Variants in NARF observed in about 807,000 individuals in gnomAD.
NARF encodes iron-only hydrogenase-like protein 2.
Under a neutral mutation model 48.0 loss-of-function variants are expected in NARF, and 41 were observed. The ratio of observed to expected loss-of-function variants is 0.85; its 90% CI spans 0.66 to 1.11. The LOEUF (loss-of-function observed/expected upper bound fraction) is 1.11. NARF is among the 50% of genes least tolerant of loss of function. The pLI is 0.00. For synonymous variants in NARF, 215 were observed against 225.5 expected, an observed-to-expected ratio of 0.95 and a Z score of 0.42; for missense variants, 613 against 590.2, an observed-to-expected ratio of 1.04 and a Z score of -0.40.
chr17:82,465,100 A>G (rs1016193073), intron 3 of NARF, among the ~76,000 whole-genome samples: 8 of 152,188 alleles, frequency 5.3e-5, no homozygotes, highest in African/African-American at 1.9e-4. Context: ...GTGAAGGGGA[A>G]GCAAGCATGT....
rs2044036360 is a variant in NARF, at chr17:82,484,039, A to C, written c.833+260A>C. 3 of 460,798 alleles carry C rather than the reference A, an allele frequency of 6.5e-6. No homozygotes were observed. The Admixed American group carries it at 1.2e-4, about 18-fold the overall frequency. The allele number at this position is 460,798 out of a possible 1,614,324, so 28.5% of individuals were successfully genotyped here. ...CCACCCTAAACCCTTGAGGAAGGAC[A>C]AAATGCACAAACAGCTTTGTCCTCG... On this transcript the variant is annotated intron_variant, in intron 8 of 10. Coordinates refer to ENST00000309794, the MANE Select transcript of NARF (RefSeq NM_012336.4).
At chr17:82,485,212 G>A (rs925891425) in intron 9 of NARF, among the ~76,000 whole-genome samples, 1 of 152,174 alleles carries the variant, frequency 6.6e-6, no homozygotes, top group African/African-American at 2.4e-5. Context: ...ATGAGGTCAG[G>A]AGATCGAGAC....
intron 3 of NARF, among the ~76,000 whole-genome samples, chr17:82,465,116 C>T (rs982857329): frequency 6.6e-6 from 1 of 152,106 alleles, no homozygotes; most frequent in East Asian, 1.9e-4. Context: ...CATGTCTTCA[C>T]GTGGCAGCAG....
chr17:82,487,013 G>A (rs577249938), intron 10 of NARF, among the ~76,000 whole-genome samples: 117 of 152,294 alleles, frequency 7.7e-4, no homozygotes, highest in African/African-American at 2.7e-3. Context: ...TAACACGTGT[G>A]GTGCAGGCAG....
intron 5 of NARF, among the ~76,000 whole-genome samples, chr17:82,475,141 C>G (rs2143899750): frequency 6.6e-6 from 1 of 152,240 alleles, no homozygotes; most frequent in African/African-American, 2.4e-5. Flanking sequence ...TCTGTGGTCC[C>G]CTTGCAGGAG....
intron 3 of NARF, 85 bp downstream of exon 3, chr17:82,464,515 C>T: frequency 6.8e-7 from 1 of 1,465,798 alleles, no homozygotes; most frequent in African/African-American, 1.4e-5. Context: ...ACAGAAGCCT[C>T]TGCTGGGACA....
At chr17:82,482,980 A>G (rs2044007838) in intron 7 of NARF, among the ~76,000 whole-genome samples, 3 of 150,994 alleles carry the variant, frequency 2.0e-5, no homozygotes, top group African/African-American at 2.4e-5. Context: ...TTTTTAGTAG[A>G]GAGGGGGTTT....
At chr17:82,481,934 G>C (rs774067577) in intron 7 of NARF, 2 of 323,290 alleles carry the variant, frequency 6.2e-6, no homozygotes, top group Non-Finnish European at 1.2e-5. Flanking sequence ...AATGAAAAAG[G>C]CACGTTTGCT....
chr17:82,482,581 T>G (rs2143947768), intron 7 of NARF: 1 of 153,346 alleles, frequency 6.5e-6, no homozygotes, highest in Non-Finnish European at 1.5e-5. Context: ...AGTTTTTCTA[T>G]TAAGGGTTTT....
chr17:82,482,088 G>A (rs1424430825), intron 7 of NARF: 1 of 296,884 alleles, frequency 3.4e-6, no homozygotes, highest in Non-Finnish European at 6.6e-6. Context: ...TCAGTTGGTG[G>A]GGGAAGCTTA....
At chr17:82,481,240 C>T (rs371733392) in intron 7 of NARF, 29 bp downstream of exon 7, 51 of 1,611,566 alleles carry the variant, frequency 3.2e-5, no homozygotes, top group African/African-American at 1.9e-4. Flanking sequence ...TGCACCTGGG[C>T]GCTGGGGTAA....
intron 3 of NARF, among the ~76,000 whole-genome samples, chr17:82,465,716 C>T (rs1032157238): frequency 2.6e-5 from 4 of 152,162 alleles, no homozygotes; most frequent in Non-Finnish European, 5.9e-5. Flanking sequence ...CAGACGCGTG[C>T]TACCACACCT....
At chr17:82,458,886 G>A (rs2043355205) in intron 1 of NARF, 56 bp downstream of exon 1, 3 of 1,317,180 alleles carry the variant, frequency 2.3e-6, no homozygotes, top group East Asian at 2.9e-5. Context: ...TGGGGCTCTG[G>A]GCGGCCGAGG....
Position 82,466,280 on chromosome 17 carries a change from G to T in NARF, c.252+1850G>T, listed in dbSNP as rs150319614. Among the ~76,000 whole-genome samples, 55 of 152,128 alleles carry T rather than the reference G, an allele frequency of 3.6e-4. No individual in the cohort carries two copies. The East Asian group carries it at 9.5e-3, about 26-fold the overall frequency. ...CTGGTCACATTCAATATCAAATTCAGTTTTTTCCCCCCTGATACATAGAGA... is the reference window on the plus strand; with the variant it reads ...CTGGTCACATTCAATATCAAATTCATTTTTTTCCCCCCTGATACATAGAGA... On this transcript the variant is annotated intron_variant, in intron 3 of 10. Coordinates refer to ENST00000309794, the MANE Select transcript of NARF (RefSeq NM_012336.4).
Position 82,487,926 on chromosome 17 carries a change from T to C in NARF, c.1140T>C (p.Asn380=), listed in dbSNP as rs1354941880. The change falls in exon 11 of 11, where the codon AAT becomes AAC. Residue 380 remains asparagine, a synonymous_variant. Transcript: ENST00000309794. ...EVLACAGGCL[N]GRGQAQTPDG... Reference sequence around the variant, plus strand: ...GTGTTTATCTTTCAGGATGCTTAAATGGCAGAGGCCAAGCCCAGACTCCAG... The same window carrying C: ...GTGTTTATCTTTCAGGATGCTTAAACGGCAGAGGCCAAGCCCAGACTCCAG... 2 of 1,614,198 alleles carry C rather than the reference T, an allele frequency of 1.2e-6. No homozygotes were observed. The highest frequency in any genetic ancestry group is 1.6e-4 in the Middle Eastern group (1 of 6,062).
intron 4 of NARF, 51 bp from the exon 5 acceptor site, chr17:82,472,513 G>A: frequency 2.0e-6 from 3 of 1,505,168 alleles, no homozygotes. Context: ...AAGCCTAAAA[G>A]TAGATCTTTT....
chr17:82,458,664 A>G, upstream of NARF: 1 of 1,162,018 alleles, frequency 8.6e-7, no homozygotes, highest in Non-Finnish European at 1.1e-6. Context: ...CGGTGCTCTC[A>G]TTGGCCGAGC....
upstream of NARF, chr17:82,458,516 G>T: frequency 2.6e-6 from 1 of 385,756 alleles, no homozygotes. Flanking sequence ...GCCGTACGTG[G>T]AGTGAGCCTG....
rs368411379 is a variant in NARF, at chr17:82,488,109, G to A, written c.1323G>A (p.Thr441=). 2.1e-5 allele frequency: 34 copies of A among 1,614,044 alleles called. No homozygotes were observed. In the African/African-American group the frequency reaches 3.3e-4, roughly 16 times the overall value. ...SPKAREVLHT[T]YQSQERGTHS... is the part of the protein sequence containing the mutation. ...AGGCCCGAGAGGTGCTGCATACCAC[G>A]TACCAGAGCCAGGAGCGTGGCACAC... is the stretch of plus-strand genomic sequence containing the variant. Residue 441 remains threonine, a synonymous_variant, in exon 11 of 11, where the codon ACG becomes ACA. Transcript: ENST00000309794.
Sources: allele counts gnomAD v4.1 joint callset (sites outside exome capture counted in the v4.1 genomes callset), GRCh38; gene constraint gnomAD v4.1.1; transcripts MANE v1.5; gene names NCBI Gene and HGNC (gene_info 2026-07-23, HGNC 2026-07-21).